Variants in HOXC11 observed in about 807,000 individuals in gnomAD.
HOXC11 encodes the protein homeobox C11.
Under a neutral mutation model 23.6 loss-of-function variants are expected in HOXC11, and 17 were observed. The ratio of observed to expected loss-of-function variants is 0.72; its 90% CI spans 0.49 to 1.08. The LOEUF (loss-of-function observed/expected upper bound fraction) is 1.08, where lower values mean the gene tolerates loss of function less well. Among genes scored for constraint, HOXC11 ranks in the 50% least tolerant of loss-of-function variants. The pLI is 0.00. For synonymous variants in HOXC11, 196 were observed against 183.8 expected, an observed-to-expected ratio of 1.07 and a Z score of -0.54; for missense variants, 413 against 412.1, an observed-to-expected ratio of 1.00 and a Z score of -0.02.
intron 1 of HOXC11, among the ~76,000 whole-genome samples, chr12:53,974,280 G>A (rs899430848): frequency 1.5e-4 from 22 of 146,244 alleles, no homozygotes; most frequent in African/African-American, 5.4e-4. Flanking sequence ...ATTTAAGGAA[G>A]TATGGGGAGC....
At chr12:53,975,049 G>A in intron 1 of HOXC11, 132 bp from the exon 2 acceptor site, 1 of 598,330 alleles carries the variant, frequency 1.7e-6, no homozygotes, top group Non-Finnish European at 3.0e-6. Context: ...AGGAGAGCCA[G>A]CCGCCTGGCG....
Position 53,973,936 on chromosome 12 carries a change from G to T in HOXC11, c.682+13G>T. ...GGAGCCGCCCCCAGTAGGTAGCAGCGGCCGGGGAACGGGCGGGCAGCGAGG... is the reference window on the plus strand; with the variant it reads ...GGAGCCGCCCCCAGTAGGTAGCAGCTGCCGGGGAACGGGCGGGCAGCGAGG... On this transcript the variant is annotated intron_variant, in intron 1 of 1. Coordinates refer to ENST00000546378, the MANE Select transcript of HOXC11 (RefSeq NM_014212.4). This position sits in a 1 kb window ranked among gnomAD's most constrained non-coding sequence, Gnocchi z 4.3. 1 of 1,435,798 alleles carries T rather than the reference G, an allele frequency of 7.0e-7. No homozygotes were observed. The highest frequency in any genetic ancestry group is 9.2e-7 in the Non-Finnish European group (1 of 1,092,814). 88.9% of individuals were successfully genotyped at this position (1,435,798 alleles called of 1,614,324 possible).
rs555103814 is a variant in HOXC11, at chr12:53,977,219, G to A, written c.*1806G>A. On this transcript the variant is annotated 3_prime_UTR_variant, in exon 2 of 2. Transcript: ENST00000546378. ...TAAAGATAATCATGGCCCTTGCAGT[G>A]CTTTCAGTGAGGGCACTTCGTTGGT... 6.6e-6 allele frequency: 1 copy of A among 152,332 alleles called. No homozygotes were observed. Among genetic ancestry groups the A allele is most frequent in the East Asian group, 1.9e-4 (1 of 5,186 alleles). 9.4% of individuals were successfully genotyped at this position (152,332 alleles called of 1,614,324 possible).
At chr12:53,974,928 G>A (rs1201533214) in intron 1 of HOXC11, 6 of 507,770 alleles carry the variant, frequency 1.2e-5, no homozygotes, top group Admixed American at 3.6e-5. Context: ...CCCAGACCCT[G>A]TCAGCCGCGG....
In HOXC11 at chr12:53,973,712, C is replaced by A. The variant is rs377159561; in HGVS notation, c.471C>A (p.Asn157Lys). The A allele has an allele frequency of 1.9e-6, 3 of 1,613,490 alleles. No individual in the cohort carries two copies. The highest frequency in any genetic ancestry group is 1.6e-4 in the Middle Eastern group (1 of 6,062). ...LPQAFDRFFD[N>K]AYCGGGDPPA... ...AAGCCTTCGACCGTTTCTTCGACAACGCCTACTGCGGTGGCGGCGACCCGC... is the reference window on the plus strand; with the variant it reads ...AAGCCTTCGACCGTTTCTTCGACAAAGCCTACTGCGGTGGCGGCGACCCGC... Residue 157 changes from asparagine to lysine, a missense_variant, in exon 1 of 2, where the codon AAC becomes AAA. By Grantham distance (94) the Asn-to-Lys change is moderately conservative. Coordinates refer to ENST00000546378, the MANE Select transcript of HOXC11 (RefSeq NM_014212.4). The surrounding 1 kb of genome is among the most constrained non-coding windows in gnomAD (Gnocchi z 4.3).
At position 53,973,566 on chromosome 12, in the gene HOXC11, A is replaced by T; in HGVS notation, c.325A>T (p.Thr109Ser). ...LMHRECLPPSTVTEILMKNEG... is the reference protein window; with the variant it reads ...LMHRECLPPSSVTEILMKNEG... ...GCACCGGGAGTGCCTGCCTCCTTCC[A>T]CCGTCACCGAGATCCTCATGAAAAA... The change falls in exon 1 of 2, where the codon ACC becomes TCC. Residue 109 changes from threonine (T) to serine (S), a missense_variant. Physicochemically the swap from Thr to Ser is moderately conservative, Grantham distance 58. Coordinates refer to ENST00000546378, the MANE Select transcript of HOXC11 (RefSeq NM_014212.4). This position sits in a 1 kb window ranked among gnomAD's most constrained non-coding sequence, Gnocchi z 4.3. The T allele has an allele frequency of 6.2e-7, 1 of 1,612,324 alleles. No individual in the cohort carries two copies. Among genetic ancestry groups the T allele is most frequent in the Non-Finnish European group, 8.5e-7 (1 of 1,179,814 alleles).
rs377159561 is a variant in HOXC11 at position 53,973,712 on chromosome 12, C to G, written c.471C>G (p.Asn157Lys). ...LPQAFDRFFD[N>K]AYCGGGDPPA... ...AAGCCTTCGACCGTTTCTTCGACAA[C>G]GCCTACTGCGGTGGCGGCGACCCGC... The change falls in exon 1 of 2, where the codon AAC becomes AAG. Residue 157 changes from asparagine (N) to lysine (K), a missense_variant. Coordinates refer to ENST00000546378, the MANE Select transcript of HOXC11 (RefSeq NM_014212.4). The surrounding 1 kb of genome is among the most constrained non-coding windows in gnomAD (Gnocchi z 4.3). 13 of 1,613,380 alleles carry G rather than the reference C, an allele frequency of 8.1e-6. No individual in the cohort carries two copies. In the African/African-American group the frequency reaches 1.5e-4, roughly 18 times the overall value.
chr12:53,973,533 G>T lies in HOXC11; in HGVS notation c.292G>T (p.Glu98Ter), dbSNP rs763415630. The change falls in exon 1 of 2, where the codon GAG becomes TAG. Residue 98 changes from glutamate to a stop codon, truncating the protein, a stop_gained. Transcript: ENST00000546378. LOFTEE classifies it high-confidence loss of function. The surrounding 1 kb of genome is among the most constrained non-coding windows in gnomAD (Gnocchi z 4.3). ...CTCCTCCTGCTATGCGGCGGCCGAC[G>T]AGCTTATGCACCGGGAGTGCCTGCC... ...SYSSCYAAAD[E>*]LMHRECLPPS... 6.2e-7 allele frequency: 1 copy of T among 1,613,484 alleles called. No homozygotes were observed. Among genetic ancestry groups the T allele is most frequent in the Non-Finnish European group, 8.5e-7 (1 of 1,179,986 alleles).
Position 53,973,598 on chromosome 12 carries a change from C to T in HOXC11, c.357C>T (p.Gly119=), listed in dbSNP as rs1939188015. ...TVTEILMKNE[G]SYGGHHHPSA... ...CCGAGATCCTCATGAAAAACGAAGG[C>T]TCCTACGGCGGCCACCACCACCCCA... The change falls in exon 1 of 2, where the codon GGC becomes GGT. Residue 119 remains glycine, a synonymous_variant. Transcript: ENST00000546378. This position sits in a 1 kb window ranked among gnomAD's most constrained non-coding sequence, Gnocchi z 4.3. The T allele has an allele frequency of 2.5e-6, 4 of 1,613,502 alleles. No individual in the cohort carries two copies. Among genetic ancestry groups the T allele is most frequent in the Admixed American group, 1.7e-5 (1 of 59,998 alleles).
chr12:53,975,078 G>A, intron 1 of HOXC11, 103 bp from the exon 2 acceptor site: 1 of 619,134 alleles, frequency 1.6e-6, no homozygotes, highest in East Asian at 2.8e-5. Flanking sequence ...GCCCGCGGTG[G>A]GCTAGGAGAA....
At position 53,975,442 on chromosome 12, in the gene HOXC11, G is replaced by A. The variant is rs1233144563; in HGVS notation, c.*29G>A. ...GCAGACCGGGCCCTTTTGGGGGCGG[G>A]GGGAGGGGAAAATTATTTTATTTTA... is the stretch of plus-strand genomic sequence containing the variant. On this transcript the variant is annotated 3_prime_UTR_variant, in exon 2 of 2. Coordinates refer to ENST00000546378, the MANE Select transcript of HOXC11 (RefSeq NM_014212.4). The A allele has an allele frequency of 9.2e-6, 7 of 761,412 alleles. No homozygotes were observed. The highest frequency in any genetic ancestry group is 1.7e-5 in the African/African-American group (1 of 57,504). 47.2% of individuals were successfully genotyped at this position (761,412 alleles called of 1,614,324 possible).
In HOXC11 at chr12:53,976,124, C is replaced by A. The variant is rs566576253; in HGVS notation, c.*711C>A. The A allele has an allele frequency of 2.9e-4, 45 of 154,562 alleles. No homozygotes were observed. Among genetic ancestry groups the A allele is most frequent in the Middle Eastern group, 2.3e-3 (1 of 442 alleles). 9.6% of individuals were successfully genotyped at this position (154,562 alleles called of 1,614,324 possible). On this transcript the variant is annotated 3_prime_UTR_variant, in exon 2 of 2. Transcript: ENST00000546378. ...ATAGCTATAGTCTATGCAGTCGTTA[C>A]CTCTTTTTTTTTTTTTTTTAAGAAA...
rs1939279267 is a variant in HOXC11 at position 53,977,235 on chromosome 12, C to T, written c.*1822C>T. 1.3e-5 allele frequency: 2 copies of T among 152,198 alleles called. No individual in the cohort carries two copies. The highest frequency in any genetic ancestry group is 4.8e-5 in the African/African-American group (2 of 41,442). The allele number at this position is 152,198 out of a possible 1,614,324, so 9.4% of individuals were successfully genotyped here. A position where few individuals can be genotyped will look rare whatever the true frequency, so the allele number is the denominator to read the frequency against. On this transcript the variant is annotated 3_prime_UTR_variant, in exon 2 of 2. Coordinates refer to ENST00000546378, the MANE Select transcript of HOXC11 (RefSeq NM_014212.4). ...CCTTGCAGTGCTTTCAGTGAGGGCACTTCGTTGGTCTCTGTTTCAAATTCG... is the reference window on the plus strand; with the variant it reads ...CCTTGCAGTGCTTTCAGTGAGGGCATTTCGTTGGTCTCTGTTTCAAATTCG...
intron 1 of HOXC11, 53 bp from the exon 2 acceptor site, chr12:53,975,128 T>G (rs1939232446): frequency 1.2e-6 from 1 of 834,392 alleles, no homozygotes; most frequent in Non-Finnish European, 1.9e-6. Context: ...CGCCCGGGTC[T>G]CACGTGTCTC....
Position 53,973,871 on chromosome 12 carries a change from G to A in HOXC11, c.630G>A (p.Ser210=), listed in dbSNP as rs1179009229. 8 of 1,466,846 alleles carry A rather than the reference G, an allele frequency of 5.5e-6. No individual in the cohort carries two copies. The highest frequency in any genetic ancestry group is 5.6e-5 in the Admixed American group (2 of 35,770). The allele number at this position is 1,466,846 out of a possible 1,614,324, so 90.9% of individuals were successfully genotyped here. The stretch of plus-strand genomic sequence containing the variant: ...AGGAGGAGAACACAAATCCCAGCTC[G>A]TCCGGTTCAGCCCACTCCGTGGCCA... ...EAEEENTNPS[S]SGSAHSVAKE... The change falls in exon 1 of 2, where the codon TCG becomes TCA. Residue 210 remains serine (S), a synonymous_variant. Coordinates refer to ENST00000546378, the MANE Select transcript of HOXC11 (RefSeq NM_014212.4). This position sits in a 1 kb window ranked among gnomAD's most constrained non-coding sequence, Gnocchi z 4.3.
intron 1 of HOXC11, among the ~76,000 whole-genome samples, chr12:53,974,153 G>T (rs1420035552): frequency 6.6e-6 from 1 of 152,122 alleles, no homozygotes; most frequent in Non-Finnish European, 1.5e-5. Flanking sequence ...GAGGGAAAAG[G>T]GCTCTTTGGA....
In HOXC11 at chr12:53,975,374, A is replaced by T; in HGVS notation, c.876A>T (p.Arg292Ser). 1 of 1,613,542 alleles carries T rather than the reference A, an allele frequency of 6.2e-7. No homozygotes were observed. The highest frequency in any genetic ancestry group is 8.5e-7 in the Non-Finnish European group (1 of 1,179,894). Residue 292 changes from arginine to serine, a missense_variant, in exon 2 of 2, where the codon AGA becomes AGT. Transcript: ENST00000546378. ...NRRMKEKKLS[R>S]DRLQYFSGNP... ...GGATGAAAGAAAAGAAACTGAGCAGAGACCGGCTGCAGTATTTCTCGGGAA... is the reference window on the plus strand; with the variant it reads ...GGATGAAAGAAAAGAAACTGAGCAGTGACCGGCTGCAGTATTTCTCGGGAA...
At position 53,975,623 on chromosome 12, in the gene HOXC11, AG is replaced by A. The variant is rs1442453355; in HGVS notation, c.*215del. 1.6e-6 allele frequency: 1 copy of A among 631,756 alleles called. No homozygotes were observed. Among genetic ancestry groups the A allele is most frequent in the African/African-American group, 1.8e-5 (1 of 54,114 alleles). The allele number at this position is 631,756 out of a possible 1,614,324, so 39.1% of individuals were successfully genotyped here. A position where few individuals can be genotyped will look rare whatever the true frequency, so the allele number is the denominator to read the frequency against. ...TGTGGGACAGGGACCGGGCCTGGAA[AG>A]GGGGTGAAGGGAAGTGTCTGATGCA... On this transcript the variant is annotated 3_prime_UTR_variant, in exon 2 of 2. Coordinates refer to ENST00000546378, the MANE Select transcript of HOXC11 (RefSeq NM_014212.4).
In HOXC11 at chr12:53,976,356, T is replaced by C; in HGVS notation, c.*943T>C. On this transcript the variant is annotated 3_prime_UTR_variant, in exon 2 of 2. Transcript: ENST00000546378. ...CATGTGCACTCCCCACCCTGCTCCCTTCCCAGAGGGATTGCTGTGAAATTT... is the reference window on the plus strand; with the variant it reads ...CATGTGCACTCCCCACCCTGCTCCCCTCCCAGAGGGATTGCTGTGAAATTT... 4.6e-6 allele frequency: 1 copy of C among 217,832 alleles called. No homozygotes were observed. The highest frequency in any genetic ancestry group is 9.3e-6 in the Non-Finnish European group (1 of 107,988). The allele number at this position is 217,832 out of a possible 1,614,324, so 13.5% of individuals were successfully genotyped here.
Sources: allele counts gnomAD v4.1 joint callset (sites outside exome capture counted in the v4.1 genomes callset), GRCh38; gene constraint gnomAD v4.1.1; non-coding constraint Gnocchi (gnomAD v3.1); transcripts MANE v1.5; gene names NCBI Gene and HGNC (gene_info 2026-07-23, HGNC 2026-07-21).